CA5A: variants seen among roughly 807,000 people sequenced by gnomAD.
CA5A encodes carbonic anhydrase 5A, also known as carbonic anhydrase 5A, mitochondrial.
In CA5A, 28 loss-of-function variants were observed where a neutral mutation model predicts 37.1. The observed-to-expected ratio is 0.75, with a 90% CI of 0.56 to 1.03. CA5A has a LOEUF of 1.03. Ranked by LOEUF, CA5A falls within the 50% of genes least tolerant of loss-of-function variation. The pLI is 0.00. For missense variants in CA5A, 444 were observed against 399.9 expected (o/e 1.11, Z -0.94); for synonymous variants, 171 against 158.4 (o/e 1.08, Z -0.60).
intron 2 of CA5A, among the ~76,000 whole-genome samples, chr16:87,907,471 G>A (rs1414927767): frequency 1.3e-5 from 2 of 152,226 alleles, no homozygotes; most frequent in East Asian, 3.8e-4. Flanking sequence ...TAAGTTTACT[G>A]TGTGGAAATT....
rs150635015 is a variant in CA5A at position 87,898,900 on chromosome 16, A to G, written c.618+3012T>C. Among the ~76,000 whole-genome samples the G allele has an allele frequency of 7.3e-3, 1,103 of 151,852 alleles. 14 individuals are homozygous for G. The highest frequency in any genetic ancestry group is 0.024 in the African/African-American group (1,012 of 41,350). ...CAGGAGTGTGCCACGATACCCAGCT[A>G]ATTTTTGTATTTTTAGTAGAGACGG... On this transcript the variant is annotated intron_variant, in intron 5 of 6. Transcript: ENST00000649794.
chr16:87,888,775 G>T (rs1483705496), intron 6 of CA5A, among the ~76,000 whole-genome samples: 1 of 152,220 alleles, frequency 6.6e-6, no homozygotes, highest in East Asian at 1.9e-4. Context: ...GTTTGAGACA[G>T]TGTTTCGCTC....
chr16:87,911,017 G>A lies in CA5A; in HGVS notation c.341-6113C>T, dbSNP rs1045721073. ...TGCCGCCTCAGCCTCCCCAAGTGCT[G>A]GGATTACAAGCATGAGCCACTGTGC... On this transcript the variant is annotated intron_variant, in intron 2 of 6. Coordinates refer to ENST00000649794, the MANE Select transcript of CA5A (RefSeq NM_001739.2). This position sits in a 1 kb window ranked among gnomAD's most constrained non-coding sequence, Gnocchi z 4.6. 1.3e-5 allele frequency among the ~76,000 whole-genome samples: 2 copies of A among 151,368 alleles called. No individual in the cohort carries two copies. Among genetic ancestry groups the A allele is most frequent in the African/African-American group, 4.9e-5 (2 of 41,134 alleles).
chr16:87,905,967 C>T (rs184320170), intron 2 of CA5A, among the ~76,000 whole-genome samples: 39 of 152,354 alleles, frequency 2.6e-4, no homozygotes, highest in Non-Finnish European at 4.6e-4. Flanking sequence ...GCCATTCCCA[C>T]GTCCAGGTAG....
At chr16:87,916,608 C>A (rs575679617) in intron 2 of CA5A, among the ~76,000 whole-genome samples, 3 of 152,142 alleles carry the variant, frequency 2.0e-5, no homozygotes, top group Non-Finnish European at 4.4e-5. Flanking sequence ...TGTACATATT[C>A]GTTTATTTTT....
At chr16:87,916,182 CAAA>C (rs72055887) in intron 2 of CA5A, among the ~76,000 whole-genome samples, 2 of 143,996 alleles carry the variant, frequency 1.4e-5, no homozygotes. Context: ...AAAAAAAAAA[CAAA>C]AAACCATCGG....
intron 2 of CA5A, among the ~76,000 whole-genome samples, chr16:87,926,032 G>A (rs1185300282): frequency 1.3e-5 from 2 of 152,128 alleles, no homozygotes; most frequent in Non-Finnish European, 2.9e-5. Context: ...AGAGCAGCCT[G>A]GCCAACATGG....
intron 2 of CA5A, among the ~76,000 whole-genome samples, chr16:87,914,481 C>T (rs927488751): frequency 5.9e-5 from 9 of 152,192 alleles, no homozygotes; most frequent in East Asian, 1.9e-4. Context: ...CGTTCAGCCC[C>T]GCTGCACCCC....
chr16:87,898,750 T>C (rs1481471206), intron 5 of CA5A, among the ~76,000 whole-genome samples: 1 of 150,810 alleles, frequency 6.6e-6, no homozygotes, highest in East Asian at 1.9e-4. Context: ...TTTTTTTTTT[T>C]TGGAGACGGA....
intron 1 of CA5A, among the ~76,000 whole-genome samples, chr16:87,927,231 C>T (rs1437528266): frequency 6.6e-6 from 1 of 152,238 alleles, no homozygotes; most frequent in African/African-American, 2.4e-5. Context: ...TTTTGTGTTG[C>T]CCTCGTCACA....
chr16:87,920,050 C>G (rs975120035), intron 2 of CA5A, among the ~76,000 whole-genome samples: 2 of 152,166 alleles, frequency 1.3e-5, no homozygotes, highest in African/African-American at 2.4e-5. Context: ...TACCTGGGAC[C>G]ACTTCTGAAA....
intron 5 of CA5A, among the ~76,000 whole-genome samples, chr16:87,898,058 G>T (rs2055828373): frequency 6.6e-6 from 1 of 152,188 alleles, no homozygotes; most frequent in South Asian, 2.1e-4. Flanking sequence ...CACCCTTGGA[G>T]CCCTGAGCAC....
chr16:87,924,968 G>C (rs2144060169), intron 2 of CA5A, among the ~76,000 whole-genome samples: 1 of 152,340 alleles, frequency 6.6e-6, no homozygotes, highest in East Asian at 1.9e-4. Context: ...GGAAGAAAAG[G>C]AGGCTCATTT....
chr16:87,908,527 G>A (rs1166200470), intron 2 of CA5A, among the ~76,000 whole-genome samples: 8 of 152,192 alleles, frequency 5.3e-5, no homozygotes, highest in Non-Finnish European at 8.8e-5. Context: ...GACGCCAACT[G>A]CATGAGGCAT....
At chr16:87,935,765 A>G (rs1439416112) in intron 1 of CA5A, among the ~76,000 whole-genome samples, 1 of 151,958 alleles carries the variant, frequency 6.6e-6, no homozygotes, top group Non-Finnish European at 1.5e-5. Context: ...AGTCCCAGTT[A>G]CTTTGGAGGC....
intron 1 of CA5A, among the ~76,000 whole-genome samples, chr16:87,929,034 G>A (rs1278493014): frequency 1.3e-5 from 2 of 150,676 alleles, no homozygotes; most frequent in African/African-American, 4.9e-5. Flanking sequence ...CTCCCAAAGT[G>A]CTGGGATTAC....
At chr16:87,932,968 G>C (rs1014629264) in intron 1 of CA5A, among the ~76,000 whole-genome samples, 1 of 152,178 alleles carries the variant, frequency 6.6e-6, no homozygotes, top group East Asian at 1.9e-4. Flanking sequence ...CGCTGGCCTC[G>C]CCCTGTGAGT....
chr16:87,933,730 C>T (rs2056436685), intron 1 of CA5A, among the ~76,000 whole-genome samples: 1 of 152,174 alleles, frequency 6.6e-6, no homozygotes, highest in Non-Finnish European at 1.5e-5. Context: ...ACTTTTCTCT[C>T]AAGGCCAAAC....
intron 2 of CA5A, among the ~76,000 whole-genome samples, chr16:87,921,970 C>G (rs138463655): frequency 0.1 from 15,699 of 152,058 alleles, 1,007 homozygotes; most frequent in South Asian, 0.3. Context: ...TGGGCTTAAG[C>G]AAGCCTCCTG....
Sources: allele counts gnomAD v4.1 joint callset (sites outside exome capture counted in the v4.1 genomes callset), GRCh38; gene constraint gnomAD v4.1.1; non-coding constraint Gnocchi (gnomAD v3.1); transcripts MANE v1.5; gene names NCBI Gene and HGNC (gene_info 2026-07-23, HGNC 2026-07-21).